The following RFX3 variants were observed in gnomAD, a reference collection of about 807,000 sequenced individuals.
RFX3 encodes transcription factor RFX3.
Under a neutral mutation model 98.6 loss-of-function variants are expected in RFX3, and 14 were observed. The observed-to-expected ratio is 0.14, with a 90% CI of 0.09 to 0.22. RFX3 has a LOEUF of 0.22. Among genes scored for constraint, RFX3 ranks in the 10% least tolerant of loss-of-function variants. The pLI is 1.00. For synonymous variants in RFX3, 383 were observed against 328.4 expected (o/e 1.17, Z -1.80); for missense variants, 639 against 926.9 (o/e 0.69, Z 4.03).
At chr9:3,287,574 A>T (rs12001895) in intron 7 of RFX3, among the ~76,000 whole-genome samples, 8,864 of 151,948 alleles carry the variant, frequency 0.058, 860 homozygotes, top group African/African-American at 0.2. Flanking sequence ...TATTTTTCAA[A>T]TCTAAGATCT....
intron 2 of RFX3, among the ~76,000 whole-genome samples, chr9:3,347,871 A>G (rs1216936797): frequency 3.9e-5 from 6 of 152,204 alleles, no homozygotes; most frequent in African/African-American, 1.2e-4. Flanking sequence ...TCACTGGTAA[A>G]TATTTTCATT....
rs575783957 is a variant in RFX3 at position 3,379,060 on chromosome 9, T to C, written c.117+16412A>G. On this transcript the variant is annotated intron_variant, in intron 2 of 16. Coordinates refer to ENST00000617270, the MANE Select transcript of RFX3 (RefSeq NM_001282116.2). ...ACTCAGTCATAACCTAGTTCACTCA[T>C]TATTTCAACAAACATTTACTGAGGA... Among the ~76,000 whole-genome samples the C allele has an allele frequency of 9.2e-5, 14 of 152,326 alleles. No individual in the cohort carries two copies. The South Asian group carries it at 1.7e-3, about 18-fold the overall frequency.
At chr9:3,340,316 G>C (rs150175655) in intron 3 of RFX3, among the ~76,000 whole-genome samples, 8,961 of 152,080 alleles carry the variant, frequency 0.059, 859 homozygotes, top group African/African-American at 0.2. Context: ...GAAAACCTGG[G>C]CAATACCATT....
intron 5 of RFX3, among the ~76,000 whole-genome samples, chr9:3,295,961 T>C (rs1432169834): frequency 1.3e-5 from 2 of 151,988 alleles, no homozygotes; most frequent in South Asian, 4.1e-4. Flanking sequence ...TTTAAAAAAC[T>C]GCCCTACTTG....
At chr9:3,340,870 G>C (rs1833806032) in intron 3 of RFX3, among the ~76,000 whole-genome samples, 1 of 152,180 alleles carries the variant, frequency 6.6e-6, no homozygotes, top group Non-Finnish European at 1.5e-5. Flanking sequence ...TCTAGAACTA[G>C]AAATACCATT....
intron 1 of RFX3, among the ~76,000 whole-genome samples, chr9:3,412,990 C>G (rs1467421972): frequency 6.6e-6 from 1 of 151,998 alleles, no homozygotes; most frequent in Non-Finnish European, 1.5e-5. Context: ...GTCTAAAAAT[C>G]ACACTTCTTT....
chr9:3,389,882 C>T (rs1840118339), intron 2 of RFX3, among the ~76,000 whole-genome samples: 1 of 152,008 alleles, frequency 6.6e-6, no homozygotes, highest in Non-Finnish European at 1.5e-5. Context: ...TAATATTCGC[C>T]CTGTACATAG....
chr9:3,463,512 T>A (rs1014260271), intron 1 of RFX3, among the ~76,000 whole-genome samples: 4 of 151,600 alleles, frequency 2.6e-5, no homozygotes, highest in African/African-American at 9.7e-5. Flanking sequence ...TTCATCAAAA[T>A]TAAAGACTTA....
chr9:3,384,616 T>C (rs1224742262), intron 2 of RFX3, among the ~76,000 whole-genome samples: 6 of 152,222 alleles, frequency 3.9e-5, no homozygotes, highest in African/African-American at 1.4e-4. Flanking sequence ...TCTATTACTA[T>C]GATCCATTGT....
At chr9:3,411,113 T>C (rs1842432283) in intron 1 of RFX3, among the ~76,000 whole-genome samples, 1 of 152,220 alleles carries the variant, frequency 6.6e-6, no homozygotes, top group Non-Finnish European at 1.5e-5. Flanking sequence ...TCATGATCCA[T>C]GGAGCCACTT....
At chr9:3,317,850 A>G (rs925174822) in intron 4 of RFX3, among the ~76,000 whole-genome samples, 1 of 152,214 alleles carries the variant, frequency 6.6e-6, no homozygotes, top group African/African-American at 2.4e-5. Context: ...TAGAATGGCG[A>G]TCATTAAAAA....
chr9:3,247,032 T>A lies in RFX3; in HGVS notation c.1968+1000A>T, dbSNP rs1444471362. 3.1e-6 allele frequency: 3 copies of A among 963,726 alleles called. No homozygotes were observed. In the Admixed American group the frequency reaches 1.9e-4, roughly 59 times the overall value. 59.7% of individuals were successfully genotyped at this position (963,726 alleles called of 1,614,324 possible). ...ATATTAAACTAGGAAAAGCATTGAATAATATCTGTTTTCACTCTTTTTTAT... is the reference window on the plus strand; with the variant it reads ...ATATTAAACTAGGAAAAGCATTGAAAAATATCTGTTTTCACTCTTTTTTAT... On this transcript the variant is annotated intron_variant, in intron 15 of 16. Coordinates refer to ENST00000617270, the MANE Select transcript of RFX3 (RefSeq NM_001282116.2).
intron 8 of RFX3, 29 bp from the exon 9 acceptor site, chr9:3,275,641 A>T: frequency 7.1e-7 from 1 of 1,405,774 alleles, no homozygotes; most frequent in South Asian, 1.2e-5. Context: ...AACAGAAAAA[A>T]GCTATTGTGG....
chr9:3,374,582 A>T (rs1838240123), intron 2 of RFX3, among the ~76,000 whole-genome samples: 1 of 152,260 alleles, frequency 6.6e-6, no homozygotes, highest in Non-Finnish European at 1.5e-5. Flanking sequence ...AACTTTGAGG[A>T]CATTTCGCTA....
intron 1 of RFX3, among the ~76,000 whole-genome samples, chr9:3,482,350 C>G (rs138652514): frequency 6.6e-6 from 1 of 151,904 alleles, no homozygotes; most frequent in Non-Finnish European, 1.5e-5. Flanking sequence ...TATGCACTCA[C>G]GGAGAAATCC....
intron 3 of RFX3, chr9:3,344,884 T>A: frequency 1.4e-6 from 1 of 711,204 alleles, no homozygotes. Flanking sequence ...CCTGGACCTA[T>A]ACAACAAATA....
intron 1 of RFX3, among the ~76,000 whole-genome samples, chr9:3,409,831 G>A (rs1842301923): frequency 6.6e-6 from 1 of 151,970 alleles, no homozygotes; most frequent in South Asian, 2.1e-4. Flanking sequence ...ATCATCCAGT[G>A]CAGGCTCCCA....
At chr9:3,445,397 T>G (rs543099182) in intron 1 of RFX3, among the ~76,000 whole-genome samples, 6 of 151,942 alleles carry the variant, frequency 3.9e-5, no homozygotes, top group African/African-American at 1.4e-4. Context: ...CATCAACTTA[T>G]CAATACTTCA....
intron 15 of RFX3, among the ~76,000 whole-genome samples, chr9:3,235,596 G>A (rs753830694): frequency 2.0e-5 from 3 of 152,136 alleles, no homozygotes; most frequent in Non-Finnish European, 4.4e-5. Flanking sequence ...GGTTCTTTCT[G>A]AAGTGTCTAG....
Sources: gnomAD v4.1 joint callset for allele counts (sites outside exome capture counted in the v4.1 genomes callset) on GRCh38, gnomAD v4.1.1 for gene constraint, MANE v1.5 for transcripts, NCBI Gene and HGNC (gene_info 2026-07-23, HGNC 2026-07-21) for gene names.